The following RNF157 variants were observed in gnomAD, a reference collection of about 807,000 sequenced individuals.
RNF157 encodes E3 ubiquitin ligase RNF157.
A neutral mutation model predicts 88.3 loss-of-function variants in RNF157; 55 were observed. The observed-to-expected ratio is 0.62, with a 90% confidence interval of 0.50 to 0.78. RNF157 has a LOEUF of 0.78. RNF157 is among the 30% of genes least tolerant of loss of function. The pLI, the probability that RNF157 is intolerant of heterozygous loss-of-function variation, is 0.00. For synonymous variants in RNF157, 334 were observed against 341.2 expected (o/e 0.98, Z 0.23); for missense variants, 788 against 860.8 (o/e 0.92, Z 1.06).
chr17:76,200,256 CA>C (rs2069551930), intron 2 of RNF157, among the ~76,000 whole-genome samples: 1 of 150,838 alleles, frequency 6.6e-6, no homozygotes, highest in Non-Finnish European at 1.5e-5. Flanking sequence ...AAAAAAAAAA[CA>C]AAAACAAAAA....
intron 2 of RNF157, among the ~76,000 whole-genome samples, chr17:76,192,007 C>T (rs2069395609): frequency 6.6e-6 from 1 of 152,176 alleles, no homozygotes; most frequent in Admixed American, 6.5e-5. Context: ...CTATGCATCT[C>T]TTTAAATGCT....
chr17:76,222,530 TTTTTA>T (rs1466062415), intron 1 of RNF157, among the ~76,000 whole-genome samples: 1 of 152,172 alleles, frequency 6.6e-6, no homozygotes, highest in African/African-American at 2.4e-5. Flanking sequence ...GTCATTTGAA[TTTTTA>T]TTTTAACTTC....
At chr17:76,199,347 C>A (rs1457095520) in intron 2 of RNF157, among the ~76,000 whole-genome samples, 3 of 152,142 alleles carry the variant, frequency 2.0e-5, no homozygotes, top group Non-Finnish European at 4.4e-5. Context: ...GCCTCAACCT[C>A]ACAGGCTCAA....
chr17:76,224,823 C>G (rs999654776), intron 1 of RNF157, among the ~76,000 whole-genome samples: 2 of 152,066 alleles, frequency 1.3e-5, no homozygotes, highest in East Asian at 1.9e-4. Flanking sequence ...CACATGTAGC[C>G]CAGCCCATGG....
chr17:76,229,024 T>G (rs2070143681), intron 1 of RNF157, among the ~76,000 whole-genome samples: 1 of 152,116 alleles, frequency 6.6e-6, no homozygotes, highest in Non-Finnish European at 1.5e-5. Flanking sequence ...CAGTAATTCC[T>G]CAAATATTTA....
chr17:76,154,202 G>A (rs1568023552), intron 17 of RNF157, 81 bp downstream of exon 17: 8 of 1,016,028 alleles, frequency 7.9e-6, no homozygotes, highest in South Asian at 2.5e-5. Context: ...ACGTCATACC[G>A]GTACCCTTTT....
intron 1 of RNF157, chr17:76,225,717 T>C: frequency 6.8e-7 from 1 of 1,460,742 alleles, no homozygotes; most frequent in Non-Finnish European, 9.2e-7. Context: ...ACACTCTATG[T>C]ACAAGCACGT....
chr17:76,206,566 G>A (rs748986131), intron 2 of RNF157, among the ~76,000 whole-genome samples: 2 of 152,128 alleles, frequency 1.3e-5, no homozygotes, highest in Non-Finnish European at 2.9e-5. Flanking sequence ...TTGGGAGGCC[G>A]AGGTGGGTGG....
chr17:76,154,536 C>T (rs1043300546), intron 16 of RNF157: 31 of 570,200 alleles, frequency 5.4e-5, no homozygotes, highest in African/African-American at 1.7e-4. Flanking sequence ...GGATTAGATC[C>T]GAGCCACATT....
chr17:76,156,523 C>T (rs570209309), intron 13 of RNF157: 35 of 985,366 alleles, frequency 3.6e-5, no homozygotes, highest in Admixed American at 3.1e-4. Context: ...CCAGGGGAGG[C>T]GCACACTTCA....
intron 1 of RNF157, among the ~76,000 whole-genome samples, chr17:76,222,726 C>T (rs972203497): frequency 3.9e-5 from 6 of 152,040 alleles, no homozygotes; most frequent in Non-Finnish European, 8.8e-5. Flanking sequence ...AGGTTTGAAC[C>T]GAAGGTCTGG....
intron 2 of RNF157, among the ~76,000 whole-genome samples, chr17:76,174,014 T>C (rs984871736): frequency 6.6e-6 from 1 of 152,016 alleles, no homozygotes; most frequent in Non-Finnish European, 1.5e-5. Flanking sequence ...GCCAGATTTA[T>C]CTTCTTTTTC....
chr17:76,227,991 T>A (rs1335386379), intron 1 of RNF157, among the ~76,000 whole-genome samples: 1 of 152,350 alleles, frequency 6.6e-6, no homozygotes, highest in Admixed American at 6.5e-5. Context: ...CAGATTTAAT[T>A]AACTGTTTCC....
chr17:76,235,199 C>CTT (rs537829366), intron 1 of RNF157, among the ~76,000 whole-genome samples: 63 of 141,304 alleles, frequency 4.5e-4, no homozygotes, highest in African/African-American at 1.1e-3. Context: ...TAGTAGGTTA[C>CTT]TTTTTTTTTT....
At chr17:76,237,636 C>G (rs754011832) in intron 1 of RNF157, among the ~76,000 whole-genome samples, 1 of 152,130 alleles carries the variant, frequency 6.6e-6, no homozygotes, top group Non-Finnish European at 1.5e-5. Context: ...GTAGGAAGAA[C>G]ACTAACTGGC....
At chr17:76,162,506 T>G (rs1289388402) in intron 9 of RNF157, 46 bp downstream of exon 9, 2 of 1,444,164 alleles carry the variant, frequency 1.4e-6, no homozygotes, top group Admixed American at 3.4e-5. Context: ...GATTTCTCAC[T>G]TGGCCTCCTG....
chr17:76,239,553 C>T (rs1170258227), intron 1 of RNF157, among the ~76,000 whole-genome samples: 1 of 150,472 alleles, frequency 6.6e-6, no homozygotes, highest in East Asian at 2.0e-4. Context: ...CCCCCACCCC[C>T]CGGCTTCTGA....
intron 1 of RNF157, among the ~76,000 whole-genome samples, chr17:76,227,419 C>T (rs1292201569): frequency 6.6e-6 from 1 of 151,828 alleles, no homozygotes; most frequent in Non-Finnish European, 1.5e-5. Flanking sequence ...CTGCGCCTGG[C>T]CTATAATCTC....
At chr17:76,232,278 C>T (rs1044812419) in intron 1 of RNF157, among the ~76,000 whole-genome samples, 4 of 152,064 alleles carry the variant, frequency 2.6e-5, no homozygotes, top group Non-Finnish European at 5.9e-5. Context: ...GTCCCAGCTA[C>T]TTGGGAGGCT....
Sources: gnomAD v4.1 joint callset for allele counts (sites outside exome capture counted in the v4.1 genomes callset) on GRCh38, gnomAD v4.1.1 for gene constraint, MANE v1.5 for transcripts, NCBI Gene and HGNC (gene_info 2026-07-23, HGNC 2026-07-21) for gene names.